Variants in GRID1 observed in about 807,000 individuals in gnomAD.
GRID1 encodes the protein glutamate receptor ionotropic, delta-1.
In GRID1, 28 loss-of-function variants were observed where a neutral mutation model predicts 98.0. The ratio of observed to expected loss-of-function variants is 0.29; its 90% CI spans 0.21 to 0.39. GRID1 has a LOEUF of 0.39. Among genes scored for constraint, GRID1 ranks in the 10% least tolerant of loss-of-function variants. GRID1 has a pLI of 1.00. For synonymous variants in GRID1, 553 were observed against 538.5 expected (o/e 1.03, Z -0.37); for missense variants, 1,111 against 1,340.5 (o/e 0.83, Z 2.67).
Position 85,964,240 on chromosome 10 carries a change from C to T in GRID1, c.727-48001G>A, listed in dbSNP as rs571794062. Among the ~76,000 whole-genome samples the T allele has an allele frequency of 2.6e-5, 4 of 152,272 alleles. No individual in the cohort carries two copies. The East Asian group carries it at 7.7e-4, about 29-fold the overall frequency. ...GTAATTTATGGACTCAATGCTATCC[C>T]CCTCAAGCTACCATTGACTTTCTTC... On this transcript the variant is annotated intron_variant, in intron 4 of 15. Transcript: ENST00000327946.
intron 2 of GRID1, among the ~76,000 whole-genome samples, chr10:86,265,072 G>A (rs1016679949): frequency 1.2e-4 from 18 of 152,266 alleles, no homozygotes; most frequent in Non-Finnish European, 2.1e-4. Flanking sequence ...ACACTGGGCA[G>A]GGACAGACCT....
chr10:85,762,893 C>T (rs1279976591), intron 8 of GRID1, among the ~76,000 whole-genome samples: 3 of 152,122 alleles, frequency 2.0e-5, no homozygotes, highest in Non-Finnish European at 4.4e-5. Flanking sequence ...ACAGGAGGCC[C>T]CTGAGTAGCC....
intron 4 of GRID1, among the ~76,000 whole-genome samples, chr10:85,948,931 T>C (rs1369062169): frequency 1.3e-5 from 2 of 152,224 alleles, no homozygotes; most frequent in Admixed American, 6.5e-5. Context: ...TTTTTATTAT[T>C]AAGTATTAAC....
chr10:85,880,052 C>A (rs1198666243), intron 5 of GRID1, among the ~76,000 whole-genome samples: 2 of 152,208 alleles, frequency 1.3e-5, no homozygotes, highest in South Asian at 2.1e-4. Context: ...AACACATACA[C>A]CCTTCCAAGA....
At chr10:86,356,574 C>A (rs1367088487) in intron 2 of GRID1, among the ~76,000 whole-genome samples, 9 of 152,190 alleles carry the variant, frequency 5.9e-5, no homozygotes, top group African/African-American at 1.9e-4. Flanking sequence ...TGGCAACAAC[C>A]AAGTGAAGTG....
At chr10:85,724,887 A>C (rs1841745735) in intron 10 of GRID1, among the ~76,000 whole-genome samples, 1 of 152,228 alleles carries the variant, frequency 6.6e-6, no homozygotes, top group African/African-American at 2.4e-5. Context: ...TCTCTCTTCT[A>C]AAAACTTCAG....
intron 2 of GRID1, among the ~76,000 whole-genome samples, chr10:86,256,728 C>T (rs998161261): frequency 6.6e-6 from 1 of 152,222 alleles, no homozygotes; most frequent in African/African-American, 2.4e-5. Flanking sequence ...ACCTGGTGAG[C>T]TGCCTATTCT....
At chr10:85,933,320 T>A (rs1841884331) in intron 4 of GRID1, among the ~76,000 whole-genome samples, 1 of 150,270 alleles carries the variant, frequency 6.7e-6, no homozygotes, top group Non-Finnish European at 1.5e-5. Context: ...AAACTTATTT[T>A]AGATTCAGGG....
rs554380061 is a variant in GRID1 at position 86,076,832 on chromosome 10, C to G, written c.726+61987G>C. ...AGGGTTTGCTCAACCTTTGGCCTTC[C>G]TTGGCTTGTGGCAGCATCACCCTGA... On this transcript the variant is annotated intron_variant, in intron 4 of 15. Coordinates refer to ENST00000327946, the MANE Select transcript of GRID1 (RefSeq NM_017551.3). 6.5e-4 allele frequency among the ~76,000 whole-genome samples: 95 copies of G among 147,286 alleles called. 3 individuals are homozygous for G. Among genetic ancestry groups the G allele is most frequent in the African/African-American group, 1.9e-3 (76 of 39,768 alleles).
chr10:85,901,480 C>T (rs969018699), intron 5 of GRID1, among the ~76,000 whole-genome samples: 5 of 152,100 alleles, frequency 3.3e-5, no homozygotes, highest in African/African-American at 1.2e-4. Flanking sequence ...AATCTCCTGA[C>T]CTCGTGATCT....
chr10:86,307,452 CT>C (rs1847773930), intron 2 of GRID1, among the ~76,000 whole-genome samples: 1 of 152,156 alleles, frequency 6.6e-6, no homozygotes, highest in Non-Finnish European at 1.5e-5. Flanking sequence ...AAGACAAATA[CT>C]GCACAATCTC....
chr10:85,883,452 C>T (rs554126103), intron 5 of GRID1, among the ~76,000 whole-genome samples: 14 of 152,008 alleles, frequency 9.2e-5, no homozygotes, highest in Non-Finnish European at 1.9e-4. Flanking sequence ...CTCATGGTGA[C>T]TTTTTTCTTT....
rs1223949777 is a variant in GRID1 at position 85,946,328 on chromosome 10, G to A, written c.727-30089C>T. Among the ~76,000 whole-genome samples the A allele has an allele frequency of 2.0e-5, 3 of 152,190 alleles. No homozygotes were observed. The East Asian group carries it at 5.8e-4, about 29-fold the overall frequency. ...TGTGCTCAATGCCCTGAGAAGACAA[G>A]CAGCCAGGTAAGGTCACTGCTCTGA... On this transcript the variant is annotated intron_variant, in intron 4 of 15. Coordinates refer to ENST00000327946, the MANE Select transcript of GRID1 (RefSeq NM_017551.3).
At chr10:85,851,414 T>G (rs867450446) in intron 8 of GRID1, among the ~76,000 whole-genome samples, 2 of 152,152 alleles carry the variant, frequency 1.3e-5, no homozygotes, top group Admixed American at 1.3e-4. Flanking sequence ...AAAAACGCAC[T>G]TCCTGGATGA....
intron 12 of GRID1, among the ~76,000 whole-genome samples, chr10:85,682,516 C>T (rs750388098): frequency 1.4e-4 from 21 of 152,216 alleles, no homozygotes; most frequent in Non-Finnish European, 2.9e-4. Context: ...TTTACCCTAG[C>T]AATGTGATGT....
At position 85,724,582 on chromosome 10, in the gene GRID1, A is replaced by G. The variant is rs747717405; in HGVS notation, c.1628T>C (p.Ile543Thr). ...TTTCTCCTCGGGCTTCTTAATTAGA[A>G]TCCCCACTGAATAGTCCATGTACCG... ...SKRYMDYSVG[I>T]LIKKPEEKIS... Residue 543 changes from isoleucine to threonine, a missense_variant, in exon 11 of 16, where the codon ATT becomes ACT. Physicochemically the swap from Ile to Thr is moderately conservative, Grantham distance 89. Around this residue, in one of 3 missense-constraint regions of GRID1, gnomAD observed 762 missense variants for 869.1 expected, o/e 0.88. Coordinates refer to ENST00000327946, the MANE Select transcript of GRID1 (RefSeq NM_017551.3). The G allele has an allele frequency of 5.0e-6, 8 of 1,613,478 alleles. No homozygotes were observed. In the South Asian group the frequency reaches 8.8e-5, roughly 18 times the overall value.
At chr10:85,676,279 T>C (rs746728703) in intron 12 of GRID1, among the ~76,000 whole-genome samples, 8 of 152,086 alleles carry the variant, frequency 5.3e-5, no homozygotes, top group Non-Finnish European at 7.4e-5. Context: ...GACCCCCATC[T>C]TATCTCTTCC....
chr10:85,728,385 T>C (rs1841786157), intron 9 of GRID1, among the ~76,000 whole-genome samples: 3 of 152,170 alleles, frequency 2.0e-5, no homozygotes, highest in Admixed American at 2.0e-4. Flanking sequence ...GCTAGGACTG[T>C]ATCCTTAGAA....
At chr10:85,925,007 C>T (rs1190307225) in intron 4 of GRID1, among the ~76,000 whole-genome samples, 1 of 152,194 alleles carries the variant, frequency 6.6e-6, no homozygotes, top group African/African-American at 2.4e-5. Flanking sequence ...GAATATGCTA[C>T]ATGTGGACAA....
Sources: allele counts gnomAD v4.1 joint callset (sites outside exome capture counted in the v4.1 genomes callset), GRCh38; gene constraint gnomAD v4.1.1; regional missense constraint gnomAD v4.1.1; transcripts MANE v1.5; gene names NCBI Gene and HGNC (gene_info 2026-07-23, HGNC 2026-07-21).